Variants in PAQR5 observed in about 807,000 individuals in gnomAD.
PAQR5 encodes membrane progestin receptor gamma.
In PAQR5, 20 loss-of-function variants were observed where a neutral mutation model predicts 34.5. That is an observed-to-expected ratio of 0.58 (90% CI 0.41 to 0.84). The LOEUF is 0.84. Ranked by LOEUF, PAQR5 falls within the 40% of genes least tolerant of loss-of-function variation. The pLI is 0.00. For missense variants in PAQR5, 378 were observed against 412.7 expected (o/e 0.92, Z 0.73); for synonymous variants, 131 against 155.6 (o/e 0.84, Z 1.18).
intron 1 of PAQR5, among the ~76,000 whole-genome samples, chr15:69,313,674 T>C (rs2053878413): frequency 1.3e-5 from 2 of 152,228 alleles, no homozygotes; most frequent in East Asian, 1.9e-4. Context: ...GGAGGCCCCA[T>C]TTCCGGCACT....
chr15:69,323,183 T>G (rs1050232960), intron 1 of PAQR5, among the ~76,000 whole-genome samples: 2 of 152,246 alleles, frequency 1.3e-5, no homozygotes, highest in Admixed American at 6.5e-5. Context: ...TGGAGCCCTC[T>G]GTCCACTAGG....
chr15:69,333,836 A>T (rs1351923579), intron 1 of PAQR5, among the ~76,000 whole-genome samples: 1 of 152,110 alleles, frequency 6.6e-6, no homozygotes, highest in Non-Finnish European at 1.5e-5. Context: ...GAAAAATTTT[A>T]CAAGTGCTGA....
chr15:69,399,999 C>A lies in PAQR5; in HGVS notation c.635C>A (p.Ala212Glu). 1 of 1,614,088 alleles carries A rather than the reference C, an allele frequency of 6.2e-7. No individual in the cohort carries two copies. The highest frequency in any genetic ancestry group is 8.5e-7 in the Non-Finnish European group (1 of 1,179,944). The change falls in exon 8 of 9, where the codon GCA becomes GAA. Residue 212 changes from alanine (A) to glutamate (E), a missense_variant. Transcript: ENST00000395407. ...YRLFLFPGES[A>E]QNEATSYHQK... ...CTATTCCTGTTCCCAGGGGAGAGTG[C>A]ACAAAATGAAGCCACCTCGTACCAC...
rs1054033424 is a variant in PAQR5, at chr15:69,379,184, T to C, written c.52-699T>C. ...TGTTGTGCCTCTGGCCTCATTATCT[T>C]CTCACTTACCACTTTTAGTGGATGT... On this transcript the variant is annotated intron_variant, in intron 3 of 8. Transcript: ENST00000395407. Among the ~76,000 whole-genome samples the C allele has an allele frequency of 5.3e-5, 8 of 152,288 alleles. No homozygotes were observed. The South Asian group carries it at 1.0e-3, about 20-fold the overall frequency.
intron 2 of PAQR5, among the ~76,000 whole-genome samples, chr15:69,353,804 G>T (rs2054987698): frequency 6.6e-6 from 1 of 152,152 alleles, no homozygotes. Context: ...TGGTCTAAAG[G>T]TCTTAGTTCC....
chr15:69,406,196 C>CA lies in PAQR5; in HGVS notation c.*2380dup, dbSNP rs1378247000. On this transcript the variant is annotated 3_prime_UTR_variant, in exon 9 of 9. Coordinates refer to ENST00000395407, the MANE Select transcript of PAQR5 (RefSeq NM_017705.4). ...ACAATTGCTCACCATGGCATTGTCT[C>CA]AAAAAAGACTATGGTGGGGAGGGTG... 1 of 152,092 alleles carries CA rather than the reference C, an allele frequency of 6.6e-6. No homozygotes were observed. The highest frequency in any genetic ancestry group is 6.5e-5 in the Admixed American group (1 of 15,268). The allele number at this position is 152,092 out of a possible 1,614,324, so 9.4% of individuals were successfully genotyped here.
intron 3 of PAQR5, among the ~76,000 whole-genome samples, chr15:69,375,807 T>C (rs552232076): frequency 6.6e-6 from 1 of 152,298 alleles, no homozygotes; most frequent in East Asian, 1.9e-4. Context: ...TTCATGTGAA[T>C]AGCGCCTGAG....
rs1189522672 is a variant in PAQR5, at chr15:69,300,915, TTC to T, written c.-277+1883_-277+1884del. ...TTTCTTCCTTCCTTCCTTCCTTCCT[TTC>T]TCTCTCTCTCTCTCTCTCTCTCTTT... On this transcript the variant is annotated intron_variant, in intron 1 of 8. Transcript: ENST00000395407. Among the ~76,000 whole-genome samples, 26 of 10,990 alleles carry T rather than the reference TTC, an allele frequency of 2.4e-3. 3 individuals carry two copies. The highest frequency in any genetic ancestry group is 4.3e-3 in the African/African-American group (26 of 6,020). 7.2% of individuals were successfully genotyped at this position (10,990 alleles called of 152,430 possible). A position where few individuals can be genotyped will look rare whatever the true frequency, so the allele number is the denominator to read the frequency against.
chr15:69,342,267 TTTATTA>T lies in PAQR5; in HGVS notation c.-116+4805_-116+4810del, dbSNP rs144248170. Among the ~76,000 whole-genome samples, 526 of 149,296 alleles carry T rather than the reference TTTATTA, an allele frequency of 3.5e-3. 4 individuals carry two copies. Among genetic ancestry groups the T allele is most frequent in the African/African-American group, 0.011 (454 of 40,642 alleles). ...CATGTGCCTATTGGTTGTTTGTTCT[TTTATTA>T]TTATTATTATTATTATTATTATTAT... On this transcript the variant is annotated intron_variant, in intron 2 of 8. Transcript: ENST00000395407.
At chr15:69,335,542 GTTTTTTTTTTTT>G (rs56712868) in intron 1 of PAQR5, among the ~76,000 whole-genome samples, 1 of 61,104 alleles carries the variant, frequency 1.6e-5, no homozygotes, top group African/African-American at 6.7e-5. Flanking sequence ...ACCGCATCCA[GTTTTTTTTTTTT>G]TTTTTTTTTT....
At position 69,360,022 on chromosome 15, in the gene PAQR5, G is replaced by GT; in HGVS notation, c.-58dup. 1 of 1,377,642 alleles carries GT rather than the reference G, an allele frequency of 7.3e-7. No individual in the cohort carries two copies. Among genetic ancestry groups the GT allele is most frequent in the Non-Finnish European group, 1.0e-6 (1 of 965,700 alleles). 85.3% of individuals were successfully genotyped at this position (1,377,642 alleles called of 1,614,324 possible). The stretch of plus-strand genomic sequence containing the variant: ...GCCCCAGGCCATGTTAGAGCTTTGA[G>GT]TGAGGCCTGGTAACAGGGAGGCGCT... On this transcript the variant is annotated 5_prime_UTR_variant, in exon 3 of 9. Transcript: ENST00000395407.
At chr15:69,374,430 T>A in intron 3 of PAQR5, among the ~76,000 whole-genome samples, 1 of 152,062 alleles carries the variant, frequency 6.6e-6, no homozygotes, top group Admixed American at 6.5e-5. Flanking sequence ...AATCCCAGCA[T>A]TTTGGGAGGC....
intron 1 of PAQR5, among the ~76,000 whole-genome samples, chr15:69,311,374 G>A (rs1595835545): frequency 1.3e-5 from 2 of 152,252 alleles, no homozygotes; most frequent in Admixed American, 1.3e-4. Context: ...TTGGACTGAT[G>A]AAGCCTGGAA....
rs1390911327 is a variant in PAQR5 at position 69,300,700 on chromosome 15, CTCTCTTTCTT to C, written c.-277+1648_-277+1657del. The stretch of plus-strand genomic sequence containing the variant: ...TCTTCCTTCCTCCCTCCCTCTCTCT[CTCTCTTTCTT>C]TCTTTCTTTCTTTCTTTCTTTCTTT... On this transcript the variant is annotated intron_variant, in intron 1 of 8. Transcript: ENST00000395407. Among the ~76,000 whole-genome samples, 10 of 6,394 alleles carry C rather than the reference CTCTCTTTCTT, an allele frequency of 1.6e-3. 4 individuals carry two copies. Among genetic ancestry groups the C allele is most frequent in the South Asian group, 9.5e-3 (2 of 210 alleles). 4.2% of individuals were successfully genotyped at this position (6,394 alleles called of 152,430 possible). A position where few individuals can be genotyped will look rare whatever the true frequency, so the allele number is the denominator to read the frequency against.
At chr15:69,358,633 A>ATTTTTTTTTTTTTTTTTTTTT (rs71149910) in intron 2 of PAQR5, among the ~76,000 whole-genome samples, 1 of 84,466 alleles carries the variant, frequency 1.2e-5, no homozygotes, top group Non-Finnish European at 2.1e-5. Context: ...GCTCTGTGGC[A>ATTTTTTTTTTTTTTTTTTTTT]TTTTTTTTTT....
rs1288316705 is a variant in PAQR5 at position 69,379,884 on chromosome 15, T to A, written c.53T>A (p.Val18Glu). 6.2e-7 allele frequency: 1 copy of A among 1,613,658 alleles called. No individual in the cohort carries two copies. The highest frequency in any genetic ancestry group is 1.7e-5 in the Admixed American group (1 of 60,020). The change falls in exon 4 of 9, where the codon GTG (valine) becomes GAG (glutamate). Residue 18 changes from valine (V) to glutamate (E), a missense_variant and splice_region_variant. Physicochemically the swap from Val to Glu is moderately radical, Grantham distance 121. Coordinates refer to ENST00000395407, the MANE Select transcript of PAQR5 (RefSeq NM_017705.4). ...TGTCCTTTTCCTTTGCCTCTGCAGG[T>A]GTTCCATGAGCAAGGCATCCTGTTC... The part of the protein sequence containing the change: ...RLFSIDQIPQ[V>E]FHEQGILFGY...
chr15:69,329,715 G>A (rs2054337238), intron 1 of PAQR5, among the ~76,000 whole-genome samples: 3 of 151,978 alleles, frequency 2.0e-5, no homozygotes, highest in African/African-American at 7.3e-5. Context: ...GAACTCCTGA[G>A]CTCAGGCAAT....
chr15:69,302,073 T>C (rs1307936176), intron 1 of PAQR5, among the ~76,000 whole-genome samples: 3 of 151,438 alleles, frequency 2.0e-5, no homozygotes, highest in African/African-American at 7.3e-5. Context: ...GTTGGTCAGA[T>C]ATATATATTT....
chr15:69,334,650 C>G (rs1181893962), intron 1 of PAQR5, among the ~76,000 whole-genome samples: 1 of 152,104 alleles, frequency 6.6e-6, no homozygotes, highest in African/African-American at 2.4e-5. Flanking sequence ...ATAAAAGTTG[C>G]TAAGATTTAA....
Sources: gnomAD v4.1 joint callset for allele counts (sites outside exome capture counted in the v4.1 genomes callset) on GRCh38, gnomAD v4.1.1 for gene constraint, MANE v1.5 for transcripts, NCBI Gene and HGNC (gene_info 2026-07-23, HGNC 2026-07-21) for gene names.